Variants in TAX1BP1 observed in about 807,000 individuals in gnomAD.
The protein encoded by TAX1BP1 is tax1-binding protein 1.
TAX1BP1 carries 62 observed loss-of-function variants against 97.7 expected under a neutral mutation model. The observed-to-expected ratio is 0.63, with a 90% CI of 0.52 to 0.78. The LOEUF is 0.78. TAX1BP1 is among the 30% of genes least tolerant of loss of function. The pLI is 0.00. For missense variants in TAX1BP1, 867 were observed against 916.1 expected (o/e 0.95, Z 0.69); for synonymous variants, 340 against 304.2 (o/e 1.12, Z -1.23).
intron 13 of TAX1BP1, among the ~76,000 whole-genome samples, chr7:27,807,846 T>TG (rs1349583660): frequency 6.6e-6 from 1 of 152,184 alleles, no homozygotes; most frequent in African/African-American, 2.4e-5. Context: ...ATTTATTCAT[T>TG]GATATTTATC....
intron 5 of TAX1BP1, among the ~76,000 whole-genome samples, chr7:27,778,717 G>T (rs931742136): frequency 1.3e-5 from 2 of 152,024 alleles, no homozygotes; most frequent in Non-Finnish European, 2.9e-5. Context: ...ACAAAAATTA[G>T]CTGAGTGTGG....
chr7:27,759,680 C>CT (rs1410197460), intron 3 of TAX1BP1, among the ~76,000 whole-genome samples: 1 of 151,662 alleles, frequency 6.6e-6, no homozygotes, highest in African/African-American at 2.4e-5. Flanking sequence ...TTTCTCATAT[C>CT]TTTAAGCAAT....
At chr7:27,783,020 T>A (rs570826438) in intron 5 of TAX1BP1, among the ~76,000 whole-genome samples, 162 of 152,260 alleles carry the variant, frequency 1.1e-3, no homozygotes, top group African/African-American at 3.7e-3. Flanking sequence ...CTTGTGGGAA[T>A]TGGTAATAGT....
intron 1 of TAX1BP1, among the ~76,000 whole-genome samples, chr7:27,747,875 T>TTTC (rs1787883741): frequency 6.6e-6 from 1 of 152,058 alleles, no homozygotes; most frequent in South Asian, 2.1e-4. Flanking sequence ...TATTTTTTTT[T>TTTC]TTTAAAGGCC....
intron 12 of TAX1BP1, among the ~76,000 whole-genome samples, chr7:27,797,734 A>G (rs1353019663): frequency 2.0e-5 from 3 of 151,946 alleles, no homozygotes; most frequent in South Asian, 4.1e-4. Context: ...AGTGAACTAC[A>G]TTTTCGTTAA....
chr7:27,799,539 G>T (rs1030216648), intron 12 of TAX1BP1, among the ~76,000 whole-genome samples: 2 of 152,108 alleles, frequency 1.3e-5, no homozygotes, highest in Non-Finnish European at 2.9e-5. Flanking sequence ...GAAATGAAGA[G>T]TAGAGATGGC....
chr7:27,769,184 ATTTCTTGG>A (rs1368888301), intron 4 of TAX1BP1, among the ~76,000 whole-genome samples: 1 of 151,780 alleles, frequency 6.6e-6, no homozygotes, highest in African/African-American at 2.4e-5. Context: ...GAAACTATAC[ATTTCTTGG>A]TGTCTTAAGG....
chr7:27,775,929 G>A (rs562537411), intron 5 of TAX1BP1, among the ~76,000 whole-genome samples: 161 of 152,170 alleles, frequency 1.1e-3, no homozygotes, highest in African/African-American at 3.7e-3. Context: ...CCTTACACAA[G>A]CTAGTTCCAG....
At chr7:27,782,525 C>T (rs1264190530) in intron 5 of TAX1BP1, among the ~76,000 whole-genome samples, 2 of 152,116 alleles carry the variant, frequency 1.3e-5, no homozygotes, top group Non-Finnish European at 2.9e-5. Context: ...GCTGGGATTA[C>T]AGATGTGAGC....
In TAX1BP1 at chr7:27,793,050, G is replaced by A; in HGVS notation, c.1264-16G>A. Reference sequence around the variant, plus strand: ...CAGATTTTTATTTTTTTCTTCAAATGTTTGTTTCTTTCTAGGACAAGACTG... The same window carrying A: ...CAGATTTTTATTTTTTTCTTCAAATATTTGTTTCTTTCTAGGACAAGACTG... On this transcript the variant is annotated splice_polypyrimidine_tract_variant and intron_variant, in intron 9 of 16. Transcript: ENST00000396319. 3 of 1,571,948 alleles carry A rather than the reference G, an allele frequency of 1.9e-6. No individual in the cohort carries two copies. Among genetic ancestry groups the A allele is most frequent in the Non-Finnish European group, 2.6e-6 (3 of 1,168,828 alleles).
chr7:27,779,749 G>T (rs555053212), intron 5 of TAX1BP1, among the ~76,000 whole-genome samples: 8 of 152,126 alleles, frequency 5.3e-5, no homozygotes, highest in Non-Finnish European at 1.0e-4. Context: ...CTGGGGAGGG[G>T]ATCGCAGATT....
rs151218187 is a variant in TAX1BP1 at position 27,741,701 on chromosome 7, G to A, written c.-8+1432G>A. Among the ~76,000 whole-genome samples, 30 of 152,090 alleles carry A rather than the reference G, an allele frequency of 2.0e-4. No homozygotes were observed. In the East Asian group the frequency reaches 3.9e-3, roughly 20 times the overall value. ...CCCTCCACACCTGTGGGTGTTTCTC[G>A]TTAGGTGGAATGAGAGACTTGGAAA... On this transcript the variant is annotated intron_variant, in intron 1 of 16. Transcript: ENST00000396319.
chr7:27,810,844 C>T (rs1192415787), intron 13 of TAX1BP1, among the ~76,000 whole-genome samples: 1 of 152,128 alleles, frequency 6.6e-6, no homozygotes, highest in African/African-American at 2.4e-5. Flanking sequence ...TATTATTTCT[C>T]ATATGTTCTG....
rs555791468 is a variant in TAX1BP1 at position 27,806,110 on chromosome 7, G to A, written c.1764+6020G>A. On this transcript the variant is annotated intron_variant, in intron 13 of 16. Transcript: ENST00000396319. The stretch of plus-strand genomic sequence containing the variant: ...TCAGTTTTTTTTTTTTTTTGAGGTG[G>A]TGTCTTGCTCTGTTGCCCAGGCAAC... 1.9e-3 allele frequency among the ~76,000 whole-genome samples: 278 copies of A among 149,974 alleles called. 6 individuals carry two copies. Among genetic ancestry groups the A allele is most frequent in the Admixed American group, 6.9e-3 (105 of 15,136 alleles).
chr7:27,826,768 G>T (rs906767679), intron 15 of TAX1BP1, among the ~76,000 whole-genome samples: 1 of 152,182 alleles, frequency 6.6e-6, no homozygotes, highest in Admixed American at 6.5e-5. Flanking sequence ...CAAATTTTTA[G>T]AAGTCTCACT....
intron 3 of TAX1BP1, among the ~76,000 whole-genome samples, chr7:27,761,540 C>G (rs1286402867): frequency 6.6e-6 from 1 of 152,136 alleles, no homozygotes; most frequent in African/African-American, 2.4e-5. Flanking sequence ...TTTACTGTCC[C>G]CACAGTTTTG....
At chr7:27,783,377 A>T (rs924186205) in intron 5 of TAX1BP1, among the ~76,000 whole-genome samples, 2 of 152,198 alleles carry the variant, frequency 1.3e-5, no homozygotes, top group Non-Finnish European at 2.9e-5. Context: ...CACATTGAAG[A>T]TGCTTATGCT....
At chr7:27,744,784 A>AT (rs1491106888) in intron 1 of TAX1BP1, among the ~76,000 whole-genome samples, 1 of 150,652 alleles carries the variant, frequency 6.6e-6, no homozygotes, top group Non-Finnish European at 1.5e-5. Flanking sequence ...CCCCCACCCC[A>AT]TGTTTATTTT....
Position 27,758,055 on chromosome 7 carries a change from T to C in TAX1BP1, c.187T>C (p.Tyr63His). Residue 63 changes from tyrosine (Y) to histidine (H), a missense_variant, in exon 3 of 17, where the codon TAT (tyrosine) becomes CAT (histidine). Around this residue, in one of 3 missense-constraint regions of TAX1BP1, gnomAD observed 822 missense variants for 851.4 expected, o/e 0.97. Coordinates refer to ENST00000396319, the MANE Select transcript of TAX1BP1 (RefSeq NM_006024.7). ...GGTTGGATGGAGTACTGCTCGTGATTATTACACGTTTTTATGGTCCCCTAT... is the reference window on the plus strand; with the variant it reads ...GGTTGGATGGAGTACTGCTCGTGATCATTACACGTTTTTATGGTCCCCTAT... ...FKVGWSTARD[Y>H]YTFLWSPMPE... The C allele has an allele frequency of 6.2e-7, 1 of 1,612,106 alleles. No individual in the cohort carries two copies. The highest frequency in any genetic ancestry group is 1.1e-5 in the South Asian group (1 of 90,820).
Sources: gnomAD v4.1 joint callset for allele counts (sites outside exome capture counted in the v4.1 genomes callset) on GRCh38, gnomAD v4.1.1 for gene constraint, gnomAD v4.1.1 regional missense constraint, MANE v1.5 for transcripts, NCBI Gene and HGNC (gene_info 2026-07-23, HGNC 2026-07-21) for gene names.